Variants in ZNF749 observed in about 807,000 individuals in gnomAD.
ZNF749 encodes zinc finger protein 749.
In ZNF749, 8 loss-of-function variants were observed where a neutral mutation model predicts 7.3. The ratio of observed to expected loss-of-function variants is 1.10; its 90% CI spans 0.64 to 1.98. ZNF749 has a LOEUF of 1.98. Ranked by LOEUF, ZNF749 falls within the 30% of genes most tolerant of loss-of-function variation. ZNF749 has a pLI of 0.00. For synonymous variants in ZNF749, 310 were observed against 322.4 expected, an observed-to-expected ratio of 0.96 and a Z score of 0.41; for missense variants, 898 against 932.4, an observed-to-expected ratio of 0.96 and a Z score of 0.48.
At position 57,443,654 on chromosome 19, in the gene ZNF749, A is replaced by G. The variant is rs2089019497; in HGVS notation, c.506A>G (p.Gln169Arg). 1 of 1,614,104 alleles carries G rather than the reference A, an allele frequency of 6.2e-7. No individual in the cohort carries two copies. Among genetic ancestry groups the G allele is most frequent in the Admixed American group, 1.7e-5 (1 of 60,012 alleles). Residue 169 changes from glutamine to arginine, a missense_variant, in exon 3 of 3, where the codon CAG becomes CGG. Coordinates refer to ENST00000334181, the MANE Select transcript of ZNF749 (RefSeq NM_001023561.4). The stretch of plus-strand genomic sequence containing the variant: ...TTTACTGCCAGCTCAGACCTTCTCC[A>G]GCAACAGGTCTTAAACAGTGGGTGG... ...KDFTASSDLL[Q>R]QQVLNSGWKL...
rs2089049543 is a variant in ZNF749, at chr19:57,445,232, C to T, written c.2084C>T (p.Pro695Leu). ...KHHKVCTGEK[P>L]HECSKCRELF... ...CATAAAGTTTGCACTGGGGAGAAGC[C>T]TCATGAGTGCAGTAAATGTAGGGAA... Residue 695 changes from proline to leucine, a missense_variant, in exon 3 of 3, where the codon CCT becomes CTT. Pro to Leu is a moderately conservative substitution (Grantham distance 98). Coordinates refer to ENST00000334181, the MANE Select transcript of ZNF749 (RefSeq NM_001023561.4). The T allele has an allele frequency of 6.2e-7, 1 of 1,613,988 alleles. No individual in the cohort carries two copies. The highest frequency in any genetic ancestry group is 8.5e-7 in the Non-Finnish European group (1 of 1,179,902).
rs1045778135 is a variant in ZNF749, at chr19:57,445,888, C to G, written c.*403C>G. Among the ~76,000 whole-genome samples, 31 of 152,166 alleles carry G rather than the reference C, an allele frequency of 2.0e-4. No individual in the cohort carries two copies. The highest frequency in any genetic ancestry group is 6.8e-4 in the African/African-American group (28 of 41,442). On this transcript the variant is annotated 3_prime_UTR_variant, in exon 3 of 3. Transcript: ENST00000334181. ...GAGGTTGCAGTGAACTGAGATTGTT[C>G]CATTGCACTCCAGCCTGGGTGACAG...
rs1178230456 is a variant in ZNF749 at position 57,436,790 on chromosome 19, A to G, written c.15+1197A>G. Among the ~76,000 whole-genome samples the G allele has an allele frequency of 1.3e-5, 2 of 152,232 alleles. No homozygotes were observed. On this transcript the variant is annotated intron_variant, in intron 1 of 2. Transcript: ENST00000334181. This position sits in a 1 kb window ranked among gnomAD's most constrained non-coding sequence, Gnocchi z 4.0. ...AGTAACTGATTGACTGCTCAGCCCC[A>G]TCCTACAACTCATTAACTTAGGGAT...
Position 57,443,329 on chromosome 19 carries a change from A to G in ZNF749, c.181A>G (p.Lys61Glu). ...HGAKDEEVPSKQCVSVRVLQV... is the reference protein window; with the variant it reads ...HGAKDEEVPSEQCVSVRVLQV... ...AGCCAAGGATGAGGAGGTACCTTCCAAGCAGTGTGTTTCTGTAAGAGTGTT... is the reference window on the plus strand; with the variant it reads ...AGCCAAGGATGAGGAGGTACCTTCCGAGCAGTGTGTTTCTGTAAGAGTGTT... The change falls in exon 3 of 3, where the codon AAG becomes GAG. Residue 61 changes from lysine (K) to glutamate (E), a missense_variant. By Grantham distance (56) the Lys-to-Glu change is moderately conservative. Transcript: ENST00000334181. 1 of 1,613,026 alleles carries G rather than the reference A, an allele frequency of 6.2e-7. No individual in the cohort carries two copies. The highest frequency in any genetic ancestry group is 8.5e-7 in the Non-Finnish European group (1 of 1,179,306).
upstream of ZNF749, among the ~76,000 whole-genome samples, chr19:57,433,153 T>TGTGTGA (rs936911757): frequency 7.4e-6 from 1 of 135,642 alleles, no homozygotes; most frequent in Non-Finnish European, 1.6e-5. Context: ...TGTGTGTGTG[T>TGTGTGA]GAAGGGGTTA....
chr19:57,431,032 C>CT (rs2088896624), upstream of ZNF749, among the ~76,000 whole-genome samples: 1 of 109,198 alleles, frequency 9.2e-6, no homozygotes, highest in Non-Finnish European at 1.8e-5. Context: ...GAGCAGGACT[C>CT]TGTCTCAAAA....
chr19:57,437,962 A>AAGCCGC, intron 1 of ZNF749: 1 of 396,570 alleles, frequency 2.5e-6, no homozygotes, highest in East Asian at 3.6e-5. Context: ...CAGAGCTGCT[A>AAGCCGC]AGAGGCAGCA....
chr19:57,428,903 C>T, the ZNF749 span, among the ~76,000 whole-genome samples: 2 of 152,168 alleles, frequency 1.3e-5, no homozygotes, highest in African/African-American at 4.8e-5. Context: ...GCTTACTTCA[C>T]TTACAATAAG....
rs546660884 is a variant in ZNF749, at chr19:57,436,583, C to G, written c.15+990C>G. Among the ~76,000 whole-genome samples the G allele has an allele frequency of 6.6e-6, 1 of 152,152 alleles. No individual in the cohort carries two copies. The highest frequency in any genetic ancestry group is 1.5e-5 in the Non-Finnish European group (1 of 68,030). ...GACTGAGGCATGAGATAATTGTAGT[C>G]ACTCCACCCTTCTAACTCAGCTGGC... On this transcript the variant is annotated intron_variant, in intron 1 of 2. Coordinates refer to ENST00000334181, the MANE Select transcript of ZNF749 (RefSeq NM_001023561.4). The surrounding 1 kb of genome is among the most constrained non-coding windows in gnomAD (Gnocchi z 4.0).
rs560067836 is a variant in ZNF749 at position 57,443,823 on chromosome 19, G to A, written c.675G>A (p.Glu225=). The part of the protein sequence containing the change: ...QKTHNGERPY[E]FSECGELFRY... ...CCCATAATGGGGAGAGGCCTTATGA[G>A]TTCAGTGAATGTGGGGAATTGTTTA... Residue 225 remains glutamate (E), a synonymous_variant, in exon 3 of 3, where the codon GAG becomes GAA. Transcript: ENST00000334181. The A allele has an allele frequency of 4.6e-5, 74 of 1,614,190 alleles. No individual in the cohort carries two copies. In the South Asian group the frequency reaches 7.2e-4, roughly 16 times the overall value.
intron 1 of ZNF749, among the ~76,000 whole-genome samples, chr19:57,441,146 G>A (rs1051372031): frequency 6.9e-6 from 1 of 144,998 alleles, no homozygotes; most frequent in Admixed American, 6.9e-5. Flanking sequence ...AAAGAGGGTA[G>A]GGCGCCCTGG....
chr19:57,445,095 T>A lies in ZNF749; in HGVS notation c.1947T>A (p.Phe649Leu). The change falls in exon 3 of 3, where the codon TTT becomes TTA. Residue 649 changes from phenylalanine to leucine, a missense_variant. Transcript: ENST00000334181. ...AGTGTAGTGAATGTGGGAAATTTTTTAGAGATAGCTACAAACTCATTATTC... is the reference window on the plus strand; with the variant it reads ...AGTGTAGTGAATGTGGGAAATTTTTAAGAGATAGCTACAAACTCATTATTC... ...PYECSECGKF[F>L]RDSYKLIIHQ... 1 of 1,613,686 alleles carries A rather than the reference T, an allele frequency of 6.2e-7. No homozygotes were observed. The highest frequency in any genetic ancestry group is 1.7e-4 in the Middle Eastern group (1 of 6,058).
At position 57,444,305 on chromosome 19, in the gene ZNF749, T is replaced by C; in HGVS notation, c.1157T>C (p.Ile386Thr). The change falls in exon 3 of 3, where the codon ATA becomes ACA. Residue 386 changes from isoleucine to threonine, a missense_variant. Ile to Thr is a moderately conservative substitution (Grantham distance 89). Coordinates refer to ENST00000334181, the MANE Select transcript of ZNF749 (RefSeq NM_001023561.4). ...HTGERPFECS[I>T]CGKFFSHRST... ...GGAGAAAGGCCTTTTGAATGCAGCA[T>C]ATGTGGAAAATTCTTTAGTCACCGC... The C allele has an allele frequency of 6.2e-7, 1 of 1,614,010 alleles. No homozygotes were observed. Among genetic ancestry groups the C allele is most frequent in the Non-Finnish European group, 8.5e-7 (1 of 1,180,002 alleles).
rs2088963055 is a variant in ZNF749, at chr19:57,439,090, A to G, written c.16-2795A>G. ...GGGAAGGTTTGAGGAGGGGGGAAAA[A>G]GAGGTGACCTGACCCAGGTTTTAGT... On this transcript the variant is annotated intron_variant, in intron 1 of 2. Coordinates refer to ENST00000334181, the MANE Select transcript of ZNF749 (RefSeq NM_001023561.4). The surrounding 1 kb of genome is among the most constrained non-coding windows in gnomAD (Gnocchi z 4.3). Among the ~76,000 whole-genome samples the G allele has an allele frequency of 6.6e-6, 1 of 152,048 alleles. No individual in the cohort carries two copies. The highest frequency in any genetic ancestry group is 2.4e-5 in the African/African-American group (1 of 41,406).
At chr19:57,434,592 A>G (rs2088916575), upstream of ZNF749, among the ~76,000 whole-genome samples, 1 of 152,120 alleles carries the variant, frequency 6.6e-6, no homozygotes, top group East Asian at 1.9e-4. Context: ...GTCTTCCTAA[A>G]TTGTTAAAAC....
chr19:57,442,044 G>T lies in ZNF749; in HGVS notation c.142+33G>T. On this transcript the variant is annotated intron_variant, in intron 2 of 2. Transcript: ENST00000334181. The surrounding 1 kb of genome is among the most constrained non-coding windows in gnomAD (Gnocchi z 6.6). ...CTTCATACCTACTCTGGTGTCTTGT[G>T]CTGGGTGCTGTTTTTTTGCTCTTTT... The T allele has an allele frequency of 1.2e-6, 2 of 1,601,856 alleles. No individual in the cohort carries two copies. Among genetic ancestry groups the T allele is most frequent in the East Asian group, 2.2e-5 (1 of 44,670 alleles).
intron 1 of ZNF749, among the ~76,000 whole-genome samples, chr19:57,440,215 A>G (rs1481319328): frequency 1.3e-5 from 2 of 151,928 alleles, no homozygotes; most frequent in African/African-American, 4.8e-5. Context: ...TTTCATGCAA[A>G]CTGTGAGACT....
Position 57,442,126 on chromosome 19 carries a change from C to A in ZNF749, c.142+115C>A. 1 of 1,381,608 alleles carries A rather than the reference C, an allele frequency of 7.2e-7. No homozygotes were observed. The highest frequency in any genetic ancestry group is 1.4e-5 in the South Asian group (1 of 70,826). The allele number at this position is 1,381,608 out of a possible 1,614,324, so 85.6% of individuals were successfully genotyped here. ...TGTGAGTGCTACGTCCTGTCCTCTC[C>A]TGGTTTCCTGGCAAATGTGATAAGG... is the stretch of plus-strand genomic sequence containing the variant. On this transcript the variant is annotated intron_variant, in intron 2 of 2. Coordinates refer to ENST00000334181, the MANE Select transcript of ZNF749 (RefSeq NM_001023561.4). This position sits in a 1 kb window ranked among gnomAD's most constrained non-coding sequence, Gnocchi z 6.6.
At chr19:57,441,784 G>A in intron 1 of ZNF749, 101 bp from the exon 2 acceptor site, 3 of 1,432,836 alleles carry the variant, frequency 2.1e-6, no homozygotes, top group Non-Finnish European at 1.9e-6. Flanking sequence ...TTGGCTGTTA[G>A]TTTGGCCCTC....
Sources: gnomAD v4.1 joint callset for allele counts (sites outside exome capture counted in the v4.1 genomes callset) on GRCh38, gnomAD v4.1.1 for gene constraint, Gnocchi (gnomAD v3.1) non-coding constraint, MANE v1.5 for transcripts, NCBI Gene and HGNC (gene_info 2026-07-23, HGNC 2026-07-21) for gene names.